The following FOXP1 variants were observed in gnomAD, a reference collection of about 807,000 sequenced individuals.
The protein encoded by FOXP1 is forkhead box P1.
Under a neutral mutation model 98.2 loss-of-function variants are expected in FOXP1, and 15 were observed. That is an observed-to-expected ratio of 0.15 (90% confidence interval 0.10 to 0.24). FOXP1 has a LOEUF of 0.24. Among genes scored for constraint, FOXP1 ranks in the 10% least tolerant of loss-of-function variants. The probability of loss-of-function intolerance (pLI) is 1.00; values close to 1 mark genes in which losing one functional copy is unlikely to be tolerated. For synonymous variants in FOXP1, 371 were observed against 314.5 expected, an observed-to-expected ratio of 1.18 and a Z score of -1.90; for missense variants, 633 against 848.5, an observed-to-expected ratio of 0.75 and a Z score of 3.15.
At chr3:71,252,675 T>C (rs2068296644) in intron 5 of FOXP1, among the ~76,000 whole-genome samples, 1 of 152,196 alleles carries the variant, frequency 6.6e-6, no homozygotes, top group African/African-American at 2.4e-5. Context: ...ACAGGTACTA[T>C]GATTTTCCCA....
At chr3:71,520,698 T>C (rs896068261) in intron 2 of FOXP1, among the ~76,000 whole-genome samples, 5 of 152,218 alleles carry the variant, frequency 3.3e-5, no homozygotes, top group African/African-American at 1.2e-4. Context: ...GAACAGTGTG[T>C]ATCAGAAACC....
rs969080771 is a variant in FOXP1, at chr3:71,144,719, G to A, written c.181-32082C>T. ...GGACTGACACATTGATTTTTGGCAG[G>A]GGGGTACAGAGTATGAGTCTCCTCA... On this transcript the variant is annotated intron_variant, in intron 6 of 20. Transcript: ENST00000649528. Among the ~76,000 whole-genome samples the A allele has an allele frequency of 3.5e-4, 53 of 152,202 alleles. 1 individual carries two copies. Among genetic ancestry groups the A allele is most frequent in the African/African-American group, 1.2e-3 (51 of 41,516 alleles).
chr3:71,078,578 T>C lies in FOXP1; in HGVS notation c.283-24805A>G, dbSNP rs541854106. On this transcript the variant is annotated intron_variant, in intron 7 of 20. Transcript: ENST00000649528. ...CAGGGTTTTAAAAAATCATCTGTTT[T>C]TCATTTCTCTTGCTAAATTTTGTTA... is the stretch of plus-strand genomic sequence containing the variant. 2.6e-5 allele frequency among the ~76,000 whole-genome samples: 4 copies of C among 152,274 alleles called. No homozygotes were observed. In the South Asian group the frequency reaches 8.3e-4, roughly 32 times the overall value.
rs1344440105 is a variant in FOXP1 at position 71,067,033 on chromosome 3, G to A, written c.283-13260C>T. ...AGCACCATGGGACCACAAAGAAGGA[G>A]GAGATCACTAGGAGGAGGGGTCTGG... is the stretch of plus-strand genomic sequence containing the variant. On this transcript the variant is annotated intron_variant, in intron 7 of 20. Coordinates refer to ENST00000649528, the MANE Select transcript of FOXP1 (RefSeq NM_001349338.3). Among the ~76,000 whole-genome samples, 5 of 152,248 alleles carry A rather than the reference G, an allele frequency of 3.3e-5. No homozygotes were observed. The East Asian group carries it at 7.7e-4, about 23-fold the overall frequency.
At chr3:70,966,807 AAGTG>A in intron 19 of FOXP1, among the ~76,000 whole-genome samples, 1 of 152,238 alleles carries the variant, frequency 6.6e-6, no homozygotes, top group East Asian at 1.9e-4. Context: ...GTCAGCAAAA[AAGTG>A]AGGAAATGAA....
intron 6 of FOXP1, among the ~76,000 whole-genome samples, chr3:71,140,362 T>G (rs1190859289): frequency 6.6e-6 from 1 of 152,104 alleles, no homozygotes; most frequent in African/African-American, 2.4e-5. Context: ...TGAGGTCAGG[T>G]GTGGAATTTT....
At chr3:71,340,044 C>A (rs978387252) in intron 4 of FOXP1, among the ~76,000 whole-genome samples, 1 of 152,132 alleles carries the variant, frequency 6.6e-6, no homozygotes, top group Non-Finnish European at 1.5e-5. Context: ...AAAGTAAATA[C>A]CCTTTTAAAC....
At chr3:71,239,047 A>G (rs1045502137) in intron 5 of FOXP1, among the ~76,000 whole-genome samples, 1 of 152,196 alleles carries the variant, frequency 6.6e-6, no homozygotes, top group Non-Finnish European at 1.5e-5. Flanking sequence ...TCAGATAAAC[A>G]TTCCTTGCCT....
At chr3:71,157,362 C>CA (rs1376297142) in intron 6 of FOXP1, among the ~76,000 whole-genome samples, 1 of 151,902 alleles carries the variant, frequency 6.6e-6, no homozygotes, top group East Asian at 1.9e-4. Flanking sequence ...GATCCAAGAA[C>CA]AAAATCACAC....
At chr3:71,287,222 G>A (rs959170072) in intron 5 of FOXP1, among the ~76,000 whole-genome samples, 12 of 152,144 alleles carry the variant, frequency 7.9e-5, no homozygotes, top group South Asian at 2.1e-4. Flanking sequence ...TGTGAACTTC[G>A]GAACTTTGGG....
Position 70,977,835 on chromosome 3 carries a change from A to T in FOXP1, c.1341T>A (p.Ile447=). 1 of 1,614,148 alleles carries T rather than the reference A, an allele frequency of 6.2e-7. No individual in the cohort carries two copies. Among genetic ancestry groups the T allele is most frequent in the Non-Finnish European group, 8.5e-7 (1 of 1,179,994 alleles). The change falls in exon 15 of 21, where the codon ATT becomes ATA. Residue 447 remains isoleucine (I), a synonymous_variant. Coordinates refer to ENST00000649528, the MANE Select transcript of FOXP1 (RefSeq NM_001349338.3). ...AAAAGGTGGAGTATCTACCTGACGAAATGGGCACGTTGTATTTGTCTGAGT... is the reference window on the plus strand; with the variant it reads ...AAAAGGTGGAGTATCTACCTGACGATATGGGCACGTTGTATTTGTCTGAGT... The part of the protein sequence containing the change: ...RRYSDKYNVP[I]SSADIAQNQE...
intron 12 of FOXP1, among the ~76,000 whole-genome samples, chr3:71,003,274 G>T (rs1469982404): frequency 6.6e-6 from 1 of 152,224 alleles, no homozygotes. Flanking sequence ...CGCAGTGAGA[G>T]CCTGGTTCTG....
At chr3:71,294,123 G>A (rs890349801) in intron 5 of FOXP1, among the ~76,000 whole-genome samples, 2 of 152,166 alleles carry the variant, frequency 1.3e-5, no homozygotes, top group Non-Finnish European at 2.9e-5. Context: ...AGGGCAGAAT[G>A]CAGTGTAAGT....
intron 6 of FOXP1, among the ~76,000 whole-genome samples, chr3:71,162,962 A>C (rs1454500101): frequency 1.3e-5 from 2 of 152,228 alleles, no homozygotes; most frequent in African/African-American, 4.8e-5. Context: ...TTTCCCCATT[A>C]GAAGATGTAT....
intron 3 of FOXP1, among the ~76,000 whole-genome samples, chr3:71,360,090 G>A (rs2078451360): frequency 6.6e-6 from 1 of 152,136 alleles, no homozygotes; most frequent in Admixed American, 6.5e-5. Context: ...ACCATGCTCG[G>A]CTTATAATTT....
chr3:71,396,955 T>TATATATAC (rs1560424196), intron 3 of FOXP1, among the ~76,000 whole-genome samples: 6 of 51,926 alleles, frequency 1.2e-4, no homozygotes, highest in African/African-American at 2.4e-4. Flanking sequence ...TATGTGTATA[T>TATATATAC]ATATATATGT....
chr3:71,186,206 G>A (rs1336454352), intron 6 of FOXP1, among the ~76,000 whole-genome samples: 2 of 152,182 alleles, frequency 1.3e-5, no homozygotes, highest in Non-Finnish European at 2.9e-5. Flanking sequence ...CAGGGCCAAG[G>A]ACATCTGTCT....
In FOXP1 at chr3:71,478,095, G is replaced by A. The variant is rs143721918; in HGVS notation, c.-168+15331C>T. 3.4e-3 allele frequency among the ~76,000 whole-genome samples: 523 copies of A among 152,204 alleles called. 1 individual carries two copies. The highest frequency in any genetic ancestry group is 5.3e-3 in the Non-Finnish European group (361 of 68,014). ...TTCATTAGGCTACAAATCAAAACCC[G>A]TCTGTCCTTGACATCTCTTTAATGT... is the stretch of plus-strand genomic sequence containing the variant. On this transcript the variant is annotated intron_variant, in intron 3 of 20. Transcript: ENST00000649528.
At chr3:70,984,525 G>C (rs1188094888) in intron 14 of FOXP1, among the ~76,000 whole-genome samples, 1 of 152,146 alleles carries the variant, frequency 6.6e-6, no homozygotes, top group African/African-American at 2.4e-5. Context: ...ACCAGACTCT[G>C]AACACCTCCA....
Sources: allele counts gnomAD v4.1 joint callset (sites outside exome capture counted in the v4.1 genomes callset), GRCh38; gene constraint gnomAD v4.1.1; transcripts MANE v1.5; gene names NCBI Gene and HGNC (gene_info 2026-07-23, HGNC 2026-07-21).